KCTD20: variants seen among roughly 807,000 people sequenced by gnomAD.
KCTD20 encodes potassium channel tetramerization domain containing 20.
KCTD20 carries 30 observed loss-of-function variants against 39.6 expected under a neutral mutation model. The observed-to-expected ratio is 0.76, with a 90% CI of 0.57 to 1.03. The LOEUF (loss-of-function observed/expected upper bound fraction) is 1.03, where lower values mean the gene tolerates loss of function less well. Among genes scored for constraint, KCTD20 ranks in the 50% least tolerant of loss-of-function variants. The pLI is 0.00. For missense variants in KCTD20, 422 were observed against 522.0 expected (o/e 0.81, Z 1.87); for synonymous variants, 162 against 180.6 (o/e 0.90, Z 0.83).
intron 6 of KCTD20, 48 bp from the exon 7 acceptor site, chr6:36,484,666 C>A: frequency 1.2e-6 from 1 of 842,224 alleles, no homozygotes; most frequent in Non-Finnish European, 2.0e-6. Flanking sequence ...TCTCTCTTTC[C>A]TCTTAGGTCT....
chr6:36,459,542 T>C lies in KCTD20; in HGVS notation c.-46-10510T>C, dbSNP rs116111030. ...TCAGAAAATGGTGTGTGGGTTACAT[T>C]ATCTACATTGGCCTAATTTTTGACA... On this transcript the variant is annotated intron_variant, in intron 1 of 7. Transcript: ENST00000373731. 6.6e-3 allele frequency among the ~76,000 whole-genome samples: 1,004 copies of C among 152,376 alleles called. 9 individuals carry two copies. Among genetic ancestry groups the C allele is most frequent in the African/African-American group, 0.021 (884 of 41,592 alleles).
Position 36,469,952 on chromosome 6 carries a change from G to A in KCTD20, c.-46-100G>A. 1 of 587,374 alleles carries A rather than the reference G, an allele frequency of 1.7e-6. No individual in the cohort carries two copies. The highest frequency in any genetic ancestry group is 2.8e-6 in the Non-Finnish European group (1 of 358,332). 36.4% of individuals were successfully genotyped at this position (587,374 alleles called of 1,614,324 possible). ...AAGATGCCTATTTCTCCTGAGAACA[G>A]GAATGCTAGCTGTCAGTTTTCTAGT... On this transcript the variant is annotated intron_variant, in intron 1 of 7. Transcript: ENST00000373731. The surrounding 1 kb of genome is among the most constrained non-coding windows in gnomAD (Gnocchi z 4.6).
chr6:36,483,118 CAAAAA>C (rs767686820), intron 6 of KCTD20, among the ~76,000 whole-genome samples: 3 of 108,254 alleles, frequency 2.8e-5, no homozygotes, highest in African/African-American at 6.2e-5. Context: ...GACTCCGTTT[CAAAAA>C]AAAAAAAAAA....
chr6:36,487,677 T>C lies in KCTD20; in HGVS notation c.*502T>C, dbSNP rs1275931171. 1.3e-5 allele frequency: 2 copies of C among 153,222 alleles called. No individual in the cohort carries two copies. 9.5% of individuals were successfully genotyped at this position (153,222 alleles called of 1,614,324 possible). On this transcript the variant is annotated 3_prime_UTR_variant, in exon 8 of 8. Transcript: ENST00000373731. ...TGAAGATGCCATTCTTGGTGGCCTC[T>C]GCACCCAAATTGCATCTGGAAAGAA...
In KCTD20 at chr6:36,479,363, C is replaced by G. The variant is rs561404763; in HGVS notation, c.537+140C>G. Reference sequence around the variant, plus strand: ...TCCTTTCTCCCTTTGTTTTCTATTCCTGTAACTTTTAAGTCCTTGCTTGTT... The same window carrying G: ...TCCTTTCTCCCTTTGTTTTCTATTCGTGTAACTTTTAAGTCCTTGCTTGTT... On this transcript the variant is annotated intron_variant, in intron 4 of 7. Coordinates refer to ENST00000373731, the MANE Select transcript of KCTD20 (RefSeq NM_173562.5). 1.4e-4 allele frequency: 104 copies of G among 721,848 alleles called. 1 individual carries two copies. Among genetic ancestry groups the G allele is most frequent in the Middle Eastern group, 1.3e-3 (5 of 3,854 alleles). The allele number at this position is 721,848 out of a possible 1,614,324, so 44.7% of individuals were successfully genotyped here. A position where few individuals can be genotyped will look rare whatever the true frequency, so the allele number is the denominator to read the frequency against.
chr6:36,462,192 A>C (rs1411018839), intron 1 of KCTD20, among the ~76,000 whole-genome samples: 2 of 152,182 alleles, frequency 1.3e-5, no homozygotes, highest in Non-Finnish European at 2.9e-5. Flanking sequence ...GTATGATGAT[A>C]ACAACCCTTC....
chr6:36,453,088 A>G (rs1775316544), intron 1 of KCTD20, among the ~76,000 whole-genome samples: 1 of 142,284 alleles, frequency 7.0e-6, no homozygotes, highest in Non-Finnish European at 1.5e-5. Flanking sequence ...GCTCACGGCA[A>G]CCTCCGCCTC....
At chr6:36,448,013 G>GTATATATATATATATATA (rs10645937) in intron 1 of KCTD20, among the ~76,000 whole-genome samples, 70 of 128,924 alleles carry the variant, frequency 5.4e-4, no homozygotes, top group Non-Finnish European at 8.4e-4. Context: ...GTATGTGTGT[G>GTATATATATATATATATA]TGTATATATA....
intron 2 of KCTD20, among the ~76,000 whole-genome samples, chr6:36,472,650 A>G (rs963615241): frequency 6.6e-6 from 1 of 151,882 alleles, no homozygotes; most frequent in African/African-American, 2.4e-5. Flanking sequence ...GTGCTTCCCT[A>G]TGTTTGGAAT....
At chr6:36,476,876 C>A (rs1314582456) in intron 3 of KCTD20, among the ~76,000 whole-genome samples, 1 of 152,176 alleles carries the variant, frequency 6.6e-6, no homozygotes, top group Non-Finnish European at 1.5e-5. Flanking sequence ...TTGGGTATTA[C>A]CATCATTCCC....
intron 1 of KCTD20, among the ~76,000 whole-genome samples, chr6:36,464,866 A>T (rs10947607): frequency 0.26 from 38,956 of 152,026 alleles, 5,443 homozygotes; most frequent in East Asian, 0.39. Flanking sequence ...TGATTATGGG[A>T]TATGGGTTAA....
At chr6:36,460,378 A>G (rs1173779794) in intron 1 of KCTD20, among the ~76,000 whole-genome samples, 1 of 152,100 alleles carries the variant, frequency 6.6e-6, no homozygotes, top group African/African-American at 2.4e-5. Context: ...ATCTCAGCTC[A>G]GTGCAACCTC....
At chr6:36,478,927 CCTTT>C (rs1423544496) in intron 3 of KCTD20, among the ~76,000 whole-genome samples, 190 bp from the exon 4 acceptor site, 3 of 152,190 alleles carry the variant, frequency 2.0e-5, no homozygotes, top group Non-Finnish European at 4.4e-5. Flanking sequence ...AAAGCAATTG[CCTTT>C]TTTTCCTGTC....
intron 1 of KCTD20, among the ~76,000 whole-genome samples, chr6:36,454,725 G>A (rs376045257): frequency 1.3e-5 from 2 of 150,588 alleles, no homozygotes; most frequent in Non-Finnish European, 3.0e-5. Context: ...TGCAACCTCC[G>A]CCGCCGGGTT....
intron 6 of KCTD20, among the ~76,000 whole-genome samples, chr6:36,482,593 C>CTA (rs1425317550): frequency 6.6e-6 from 1 of 151,782 alleles, no homozygotes; most frequent in Non-Finnish European, 1.5e-5. Flanking sequence ...TTTTTTGTGG[C>CTA]TCTATAGTGT....
chr6:36,474,664 T>G, intron 2 of KCTD20, 125 bp from the exon 3 acceptor site: 3 of 807,026 alleles, frequency 3.7e-6, no homozygotes, highest in Non-Finnish European at 5.6e-6. Context: ...GGTTTTTTTT[T>G]GCCTGTGAAC....
At chr6:36,449,126 G>C (rs140267373) in intron 1 of KCTD20, among the ~76,000 whole-genome samples, 1 of 152,170 alleles carries the variant, frequency 6.6e-6, no homozygotes. Context: ...GGTTCTGAGC[G>C]GGCTGCTGCT....
At chr6:36,479,463 T>C in intron 4 of KCTD20, 128 bp from the exon 5 acceptor site, 1 of 880,682 alleles carries the variant, frequency 1.1e-6, no homozygotes, top group Non-Finnish European at 1.7e-6. Context: ...TGCCATCTAA[T>C]GAATCATCCA....
chr6:36,465,795 A>G (rs1775735931), intron 1 of KCTD20: 1 of 152,196 alleles, frequency 6.6e-6, no homozygotes, highest in African/African-American at 2.4e-5. Context: ...AGCTCCTCAG[A>G]GTGTATAAAA....
Sources: gnomAD v4.1 joint callset for allele counts (sites outside exome capture counted in the v4.1 genomes callset) on GRCh38, gnomAD v4.1.1 for gene constraint, Gnocchi (gnomAD v3.1) non-coding constraint, MANE v1.5 for transcripts, NCBI Gene and HGNC (gene_info 2026-07-23, HGNC 2026-07-21) for gene names.